Variants in SNTG2 observed in about 807,000 individuals in gnomAD.
SNTG2 encodes the protein syntrophin gamma 2, also known as gamma-2-syntrophin.
In SNTG2, 74 loss-of-function variants were observed where a neutral mutation model predicts 70.9. The observed-to-expected ratio is 1.04, with a 90% CI of 0.86 to 1.27. The LOEUF is 1.27. Among genes scored for constraint, SNTG2 ranks in the 50% most tolerant of loss-of-function variants. The pLI is 0.00. For synonymous variants in SNTG2, 278 were observed against 273.8 expected, an observed-to-expected ratio of 1.02 and a Z score of -0.15; for missense variants, 717 against 690.7, an observed-to-expected ratio of 1.04 and a Z score of -0.43.
intron 13 of SNTG2, among the ~76,000 whole-genome samples, chr2:1,265,541 G>C (rs80242184): frequency 0.013 from 2,038 of 152,298 alleles, 47 homozygotes; most frequent in African/African-American, 0.046. Context: ...AGCCATCTGC[G>C]GGGCCAGGAG....
intron 2 of SNTG2, among the ~76,000 whole-genome samples, chr2:1,091,657 A>C (rs1185187903): frequency 6.6e-6 from 1 of 152,174 alleles, no homozygotes; most frequent in Non-Finnish European, 1.5e-5. Context: ...GAAGAAACTC[A>C]TACTCAGGGC....
At position 1,235,456 on chromosome 2, in the gene SNTG2, CATGCTGCCCTGAG is replaced by C. The variant is rs1357805737; in HGVS notation, c.720-2431_720-2419del. On this transcript the variant is annotated intron_variant, in intron 9 of 16. Transcript: ENST00000308624. ...TTCATGAGAGGGGGCGCCCCTACCCCATGCTGCCCTGAGGTCCCTGCAGGCCCCACCAGGCACA... is the reference window on the plus strand; with the variant it reads ...TTCATGAGAGGGGGCGCCCCTACCCCGTCCCTGCAGGCCCCACCAGGCACA... Among the ~76,000 whole-genome samples, 38 of 104,404 alleles carry C rather than the reference CATGCTGCCCTGAG, an allele frequency of 3.6e-4. No individual in the cohort carries two copies. The South Asian group carries it at 4.7e-3, about 13-fold the overall frequency. 68.5% of individuals were successfully genotyped at this position (104,404 alleles called of 152,430 possible).
chr2:1,033,267 A>T (rs1242567584), intron 1 of SNTG2, among the ~76,000 whole-genome samples: 1 of 152,212 alleles, frequency 6.6e-6, no homozygotes, highest in Non-Finnish European at 1.5e-5. Flanking sequence ...CTTTTGACAG[A>T]TGCCCTGGGA....
chr2:1,240,128 T>A (rs1676951936), intron 11 of SNTG2, among the ~76,000 whole-genome samples: 1 of 152,228 alleles, frequency 6.6e-6, no homozygotes, highest in South Asian at 2.1e-4. Flanking sequence ...CCTGTGTAAT[T>A]TGAAATTTTA....
chr2:1,255,885 A>AAAATATATATATAAATATATATAAAT (rs1678060028), intron 12 of SNTG2, among the ~76,000 whole-genome samples: 1 of 90,478 alleles, frequency 1.1e-5, no homozygotes, highest in Non-Finnish European at 2.3e-5. Context: ...TATATATATA[A>AAAATATATATATAAATATATATAAAT]ATATATATAA....
At chr2:1,250,667 C>G (rs888589993) in intron 12 of SNTG2, among the ~76,000 whole-genome samples, 2 of 151,978 alleles carry the variant, frequency 1.3e-5, no homozygotes, top group Non-Finnish European at 1.5e-5. Context: ...TTGCTCCTCT[C>G]GAGGTCTCTC....
intron 8 of SNTG2, among the ~76,000 whole-genome samples, chr2:1,199,844 C>T (rs544751504): frequency 2.0e-5 from 3 of 151,944 alleles, no homozygotes; most frequent in Admixed American, 6.6e-5. Flanking sequence ...AACTACAAAA[C>T]ATTGTTGAAA....
chr2:1,209,157 T>TG lies in SNTG2; in HGVS notation c.648dup (p.Leu217AlafsTer89), dbSNP rs773894892. The TG allele has an allele frequency of 9.9e-6, 16 of 1,613,884 alleles. No homozygotes were observed. Among genetic ancestry groups the TG allele is most frequent in the Non-Finnish European group, 2.5e-6 (3 of 1,179,906 alleles). On this transcript the variant is annotated frameshift_variant, in exon 9 of 17. Coordinates refer to ENST00000308624, the MANE Select transcript of SNTG2 (RefSeq NM_018968.4). LOFTEE classifies it high-confidence loss of function. Reference sequence around the variant, plus strand: ...TAAGGACCCGAGGTATGAGAAGCGCTGGCTGGACACCTTGTCCGTGCCTCT... The same window carrying TG: ...TAAGGACCCGAGGTATGAGAAGCGCTGGGCTGGACACCTTGTCCGTGCCTCT...
At position 1,222,081 on chromosome 2, in the gene SNTG2, CTCTG is replaced by C. The variant is rs1675162032; in HGVS notation, c.719+12855_719+12858del. Among the ~76,000 whole-genome samples, 43 of 37,042 alleles carry C rather than the reference CTCTG, an allele frequency of 1.2e-3. 6 individuals are homozygous for C. The highest frequency in any genetic ancestry group is 8.6e-3 in the Middle Eastern group (1 of 116). The allele number at this position is 37,042 out of a possible 152,430, so 24.3% of individuals were successfully genotyped here. On this transcript the variant is annotated intron_variant, in intron 9 of 16. Transcript: ENST00000308624. Reference sequence around the variant, plus strand: ...TGTCTCTGTTTCTCTCTGTCTCTGTCTCTGTCTCTCTCTGTCTCTCTCTGTCTCT... The same window carrying C: ...TGTCTCTGTTTCTCTCTGTCTCTGTCTCTCTCTCTGTCTCTCTCTGTCTCT...
intron 14 of SNTG2, among the ~76,000 whole-genome samples, chr2:1,308,055 TCAGGAA>T (rs1414787319): frequency 6.6e-6 from 1 of 152,220 alleles, no homozygotes; most frequent in Non-Finnish European, 1.5e-5. Context: ...CAGAATTTTC[TCAGGAA>T]AGTGCCGCTT....
intron 14 of SNTG2, among the ~76,000 whole-genome samples, chr2:1,296,975 C>G (rs11903976): frequency 7.9e-5 from 12 of 152,322 alleles, no homozygotes; most frequent in African/African-American, 2.4e-4. Context: ...AACAGAACAT[C>G]CAGCCTCACA....
rs566758442 is a variant in SNTG2 at position 1,221,466 on chromosome 2, T to C, written c.719+12236T>C. 5.7e-4 allele frequency among the ~76,000 whole-genome samples: 7 copies of C among 12,334 alleles called. 1 individual carries two copies. The highest frequency in any genetic ancestry group is 1.7e-3 in the East Asian group (1 of 586). The allele number at this position is 12,334 out of a possible 152,430, so 8.1% of individuals were successfully genotyped here. Reference sequence around the variant, plus strand: ...CTGTCTCTGTCTCTCTCTGTCTCTGTCTCTCTGTCTCTCTCTCTCTCTGTC... The same window carrying C: ...CTGTCTCTGTCTCTCTCTGTCTCTGCCTCTCTGTCTCTCTCTCTCTCTGTC... On this transcript the variant is annotated intron_variant, in intron 9 of 16. Transcript: ENST00000308624.
chr2:1,367,507 T>G lies in SNTG2; in HGVS notation c.*33T>G. The G allele has an allele frequency of 6.5e-7, 1 of 1,545,762 alleles. No individual in the cohort carries two copies. The highest frequency in any genetic ancestry group is 8.7e-7 in the Non-Finnish European group (1 of 1,144,432). ...TTCTGTTGAGTGCTGAAAAATTAAA[T>G]TATTTTCGTAAGAAATGATTCTTTC... On this transcript the variant is annotated 3_prime_UTR_variant, in exon 17 of 17. Coordinates refer to ENST00000308624, the MANE Select transcript of SNTG2 (RefSeq NM_018968.4).
intron 1 of SNTG2, among the ~76,000 whole-genome samples, chr2:1,067,884 C>A (rs1053582483): frequency 1.3e-5 from 2 of 152,142 alleles, no homozygotes; most frequent in African/African-American, 4.8e-5. Context: ...GCATCGCTTT[C>A]CCCGGGAGGA....
At chr2:1,100,156 T>C (rs943501548) in intron 4 of SNTG2, among the ~76,000 whole-genome samples, 3 of 150,034 alleles carry the variant, frequency 2.0e-5, no homozygotes, top group African/African-American at 7.3e-5. Flanking sequence ...TTTCCAGGGT[T>C]TTTTTTTTTG....
chr2:1,215,613 G>A (rs920469187), intron 9 of SNTG2, among the ~76,000 whole-genome samples: 21 of 150,550 alleles, frequency 1.4e-4, no homozygotes, highest in East Asian at 5.9e-4. Context: ...GTGCAGGTTC[G>A]TTACATATGT....
At chr2:1,124,067 A>G (rs1667546554) in intron 4 of SNTG2, among the ~76,000 whole-genome samples, 1 of 152,176 alleles carries the variant, frequency 6.6e-6, no homozygotes, top group African/African-American at 2.4e-5. Context: ...AGTGTGGCAA[A>G]GATAGCTTTT....
At chr2:1,213,237 T>G (rs1674161241) in intron 9 of SNTG2, among the ~76,000 whole-genome samples, 1 of 152,222 alleles carries the variant, frequency 6.6e-6, no homozygotes, top group Non-Finnish European at 1.5e-5. Context: ...ATATTTAAAA[T>G]CTACTCTTTT....
At chr2:1,116,846 CCTGGTGTGTGGGTGCT>C (rs1667031009) in intron 4 of SNTG2, among the ~76,000 whole-genome samples, 1 of 120,746 alleles carries the variant, frequency 8.3e-6, no homozygotes, top group Non-Finnish European at 1.7e-5. Context: ...GTATGGGTGC[CCTGGTGTGTGGGTGCT>C]CTGGTGTACG....
Sources: gnomAD v4.1 joint callset for allele counts (sites outside exome capture counted in the v4.1 genomes callset) on GRCh38, gnomAD v4.1.1 for gene constraint, MANE v1.5 for transcripts, NCBI Gene and HGNC (gene_info 2026-07-23, HGNC 2026-07-21) for gene names.